BCL11A: variants seen among roughly 807,000 people sequenced by gnomAD.
BCL11A encodes the protein B cell CLL/lymphoma 11A.
In BCL11A, 2 loss-of-function variants were observed where a neutral mutation model predicts 55.9. The ratio of observed to expected loss-of-function variants is 0.04; its 90% CI spans 0.01 to 0.11. BCL11A has a LOEUF of 0.11. Ranked by LOEUF, BCL11A falls within the 10% of genes least tolerant of loss-of-function variation. The probability of loss-of-function intolerance (pLI) is 1.00; values close to 1 mark genes in which losing one functional copy is unlikely to be tolerated. For missense variants in BCL11A, 817 were observed against 1,137.1 expected (o/e 0.72, Z 4.05); for synonymous variants, 465 against 473.4 (o/e 0.98, Z 0.23).
upstream of BCL11A, chr2:60,553,815 C>G (rs1670522949): frequency 8.0e-6 from 1 of 125,144 alleles, no homozygotes; most frequent in African/African-American, 3.1e-5. Flanking sequence ...TCCGCGGACG[C>G]CAGACGCGGC....
chr2:60,532,018 T>C (rs1386153130), intron 2 of BCL11A, among the ~76,000 whole-genome samples: 2 of 152,176 alleles, frequency 1.3e-5, no homozygotes, highest in Non-Finnish European at 2.9e-5. Flanking sequence ...GCCGGGCCCC[T>C]GCTAACCTGT....
chr2:60,467,071 AGTGGTGGTGGTGGTG>A (rs1190100497), intron 3 of BCL11A, among the ~76,000 whole-genome samples: 3 of 137,842 alleles, frequency 2.2e-5, no homozygotes, highest in Non-Finnish European at 4.8e-5. Flanking sequence ...TGGTGGTGGC[AGTGGTGGTGGTGGTG>A]GTGGTGGTGA....
rs1452029711 is a variant in BCL11A at position 60,458,170 on chromosome 2, A to G, written c.*2234T>C. 7.8e-6 allele frequency: 8 copies of G among 1,025,926 alleles called. No homozygotes were observed. Among genetic ancestry groups the G allele is most frequent in the Non-Finnish European group, 9.4e-6 (8 of 853,388 alleles). The allele number at this position is 1,025,926 out of a possible 1,614,324, so 63.6% of individuals were successfully genotyped here. The stretch of plus-strand genomic sequence containing the variant: ...ATTTAATTCAAATACCATTCTAGAA[A>G]TACAGAAAAAAGACCATAAATGTAT... On this transcript the variant is annotated 3_prime_UTR_variant, in exon 4 of 4. Transcript: ENST00000642384.
chr2:60,512,501 TTCCCGGC>T (rs1680042895), intron 2 of BCL11A, among the ~76,000 whole-genome samples: 1 of 152,220 alleles, frequency 6.6e-6, no homozygotes, highest in South Asian at 2.1e-4. Flanking sequence ...GATGCTTGCC[TTCCCGGC>T]TCCCCTCCCA....
chr2:60,513,286 T>C (rs1194188125), intron 2 of BCL11A, among the ~76,000 whole-genome samples: 1 of 152,112 alleles, frequency 6.6e-6, no homozygotes, highest in East Asian at 1.9e-4. Context: ...GGCTCCAAGA[T>C]GCTAAATATG....
At chr2:60,492,467 C>G (rs756418946) in intron 2 of BCL11A, among the ~76,000 whole-genome samples, 3 of 152,164 alleles carry the variant, frequency 2.0e-5, no homozygotes, top group Non-Finnish European at 4.4e-5. Context: ...TACTCCCTCC[C>G]CTTTTTACTT....
At chr2:60,542,250 A>T (rs553875861) in intron 2 of BCL11A, 1 of 189,340 alleles carries the variant, frequency 5.3e-6, no homozygotes, top group East Asian at 1.3e-4. Context: ...TCAAAAAGCT[A>T]ACTTTATGAC....
intron 3 of BCL11A, among the ~76,000 whole-genome samples, chr2:60,468,020 GTGGTAGTGGTGGTGA>G (rs1676956254): frequency 3.6e-5 from 3 of 83,872 alleles, no homozygotes; most frequent in African/African-American, 1.6e-4. Context: ...GGTGGTGGTG[GTGGTAGTGGTGGTGA>G]TGGTGGTGAT....
At chr2:60,517,781 A>T (rs922337366) in intron 2 of BCL11A, among the ~76,000 whole-genome samples, 3 of 152,222 alleles carry the variant, frequency 2.0e-5, no homozygotes, top group Non-Finnish European at 2.9e-5. Flanking sequence ...CATCTGTAAA[A>T]TGACAGGGTT....
chr2:60,454,032 TAG>T (rs745413986), downstream of BCL11A, among the ~76,000 whole-genome samples: 1 of 150,890 alleles, frequency 6.6e-6, no homozygotes, highest in African/African-American at 2.4e-5. Flanking sequence ...CGCTGGGAAA[TAG>T]AGAGAGAGAA....
At chr2:60,495,013 G>A (rs958081461) in intron 2 of BCL11A, among the ~76,000 whole-genome samples, 1 of 152,198 alleles carries the variant, frequency 6.6e-6, no homozygotes, top group Non-Finnish European at 1.5e-5. Context: ...GATGAAAAAT[G>A]GACAATTATG....
chr2:60,547,510 T>C (rs1427408), intron 1 of BCL11A, among the ~76,000 whole-genome samples: 62 of 116,460 alleles, frequency 5.3e-4, no homozygotes, highest in Middle Eastern at 4.9e-3. Flanking sequence ...GCTTGCTCTA[T>C]CAAAAAAAAA....
chr2:60,459,090 T>C lies in BCL11A; in HGVS notation c.*1314A>G. 2.0e-6 allele frequency: 2 copies of C among 1,018,378 alleles called. No homozygotes were observed. The highest frequency in any genetic ancestry group is 2.4e-6 in the Non-Finnish European group (2 of 847,378). 63.1% of individuals were successfully genotyped at this position (1,018,378 alleles called of 1,614,324 possible). On this transcript the variant is annotated 3_prime_UTR_variant, in exon 4 of 4. Coordinates refer to ENST00000642384, the MANE Select transcript of BCL11A (RefSeq NM_022893.4). ...TCAATATTAGCTTATATACCTGTTC[T>C]AGTTTTAAATGGCAAATAGTACCAC...
rs1171181316 is a variant in BCL11A at position 60,459,746 on chromosome 2, G to C, written c.*658C>G. 1 of 1,039,490 alleles carries C rather than the reference G, an allele frequency of 9.6e-7. No homozygotes were observed. Among genetic ancestry groups the C allele is most frequent in the Non-Finnish European group, 1.2e-6 (1 of 862,854 alleles). 64.4% of individuals were successfully genotyped at this position (1,039,490 alleles called of 1,614,324 possible). A position where few individuals can be genotyped will look rare whatever the true frequency, so the allele number is the denominator to read the frequency against. On this transcript the variant is annotated 3_prime_UTR_variant, in exon 4 of 4. Coordinates refer to ENST00000642384, the MANE Select transcript of BCL11A (RefSeq NM_022893.4). Reference sequence around the variant, plus strand: ...TTTTCTGTTAATTTGTCAATTCAAGGCCTTTTTTCTTCCTTTCCAATTGAT... The same window carrying C: ...TTTTCTGTTAATTTGTCAATTCAAGCCCTTTTTTCTTCCTTTCCAATTGAT...
intron 2 of BCL11A, among the ~76,000 whole-genome samples, chr2:60,480,370 A>C (rs1215376360): frequency 6.6e-6 from 1 of 152,252 alleles, no homozygotes; most frequent in African/African-American, 2.4e-5. Flanking sequence ...CTGACTGTCC[A>C]GCACCATGCT....
intron 2 of BCL11A, chr2:60,543,375 C>T (rs1488265283): frequency 6.6e-6 from 1 of 152,212 alleles, no homozygotes; most frequent in Non-Finnish European, 1.5e-5. Context: ...CATTGCTTCT[C>T]CTTTCTTTTT....
intron 2 of BCL11A, chr2:60,537,475 T>G (rs1345555558): frequency 1.3e-5 from 2 of 152,180 alleles, no homozygotes; most frequent in African/African-American, 4.8e-5. Flanking sequence ...ATACCTTGAG[T>G]TGGTGAAGGA....
Position 60,457,669 on chromosome 2 carries a change from G to GT in BCL11A, c.*2734_*2735insA, listed in dbSNP as rs1676003342. The GT allele has an allele frequency of 6.0e-6, 6 of 1,001,614 alleles. No individual in the cohort carries two copies. Among genetic ancestry groups the GT allele is most frequent in the African/African-American group, 5.3e-5 (3 of 56,372 alleles). 62.0% of individuals were successfully genotyped at this position (1,001,614 alleles called of 1,614,324 possible). A position where few individuals can be genotyped will look rare whatever the true frequency, so the allele number is the denominator to read the frequency against. On this transcript the variant is annotated 3_prime_UTR_variant, in exon 4 of 4. Coordinates refer to ENST00000642384, the MANE Select transcript of BCL11A (RefSeq NM_022893.4). ...GCAATGAAAAAAACTGCAAAACATTGGTTTTTTTTTTTTTTTCCTTTTTTT... is the reference window on the plus strand; with the variant it reads ...GCAATGAAAAAAACTGCAAAACATTGTGTTTTTTTTTTTTTTTCCTTTTTTT...
In BCL11A at chr2:60,474,682, T is replaced by A. The variant is rs149202776; in HGVS notation, c.386-5849A>T. ...GTTTGTTTAATCACATACCTCACTA[T>A]GCAAAATGTGTGTTCCCAGGATAAA... On this transcript the variant is annotated intron_variant, in intron 2 of 3. Transcript: ENST00000642384. Among the ~76,000 whole-genome samples, 409 of 152,366 alleles carry A rather than the reference T, an allele frequency of 2.7e-3. 1 individual carries two copies. The highest frequency in any genetic ancestry group is 4.8e-3 in the Non-Finnish European group (327 of 68,030).
Sources: allele counts gnomAD v4.1 joint callset (sites outside exome capture counted in the v4.1 genomes callset), GRCh38; gene constraint gnomAD v4.1.1; transcripts MANE v1.5; gene names NCBI Gene and HGNC (gene_info 2026-07-23, HGNC 2026-07-21).